FHAD1: variants seen among roughly 807,000 people sequenced by gnomAD.
FHAD1 encodes the protein forkhead associated phosphopeptide binding domain 1.
A neutral mutation model predicts 191.3 loss-of-function variants in FHAD1; 146 were observed. The observed-to-expected ratio is 0.76, with a 90% CI of 0.67 to 0.88. FHAD1 has a LOEUF of 0.88. Among genes scored for constraint, FHAD1 ranks in the 40% least tolerant of loss-of-function variants. The probability of loss-of-function intolerance (pLI) is 0.00; values close to 1 mark genes in which losing one functional copy is unlikely to be tolerated. For synonymous variants in FHAD1, 616 were observed against 672.3 expected (o/e 0.92, Z 1.29); for missense variants, 1,635 against 1,785.8 (o/e 0.92, Z 1.52).
Position 15,365,904 on chromosome 1 carries a change from A to G in FHAD1, c.3125A>G (p.Glu1042Gly). The G allele has an allele frequency of 6.4e-7, 1 of 1,551,558 alleles. No homozygotes were observed. The highest frequency in any genetic ancestry group is 8.7e-7 in the Non-Finnish European group (1 of 1,146,836). The change falls in exon 24 of 34, where the codon GAA (glutamate) becomes GGA (glycine). Residue 1042 changes from glutamate (E) to glycine (G), a missense_variant. Coordinates refer to ENST00000688493, the MANE Select transcript of FHAD1 (RefSeq NM_001391957.1). ...ATGAAGTTAAGGAAAGACCTTACCGAAGCCCACAGCAGAATGTCGGATTTG... is the reference window on the plus strand; with the variant it reads ...ATGAAGTTAAGGAAAGACCTTACCGGAGCCCACAGCAGAATGTCGGATTTG... ...VIMKLRKDLT[E>G]AHSRMSDLRG... is the part of the protein sequence containing the mutation.
rs1574309514 is a variant in FHAD1, at chr1:15,320,539, G to C, written c.1365+2611G>C. On this transcript the variant is annotated intron_variant, in intron 10 of 33. Transcript: ENST00000688493. Reference sequence around the variant, plus strand: ...TATATATTTTGAAGCTGTGTTAGTAGATGCATATGTATTTACCATTTCATT... The same window carrying C: ...TATATATTTTGAAGCTGTGTTAGTACATGCATATGTATTTACCATTTCATT... Among the ~76,000 whole-genome samples, 3 of 152,176 alleles carry C rather than the reference G, an allele frequency of 2.0e-5. No individual in the cohort carries two copies. In the South Asian group the frequency reaches 6.2e-4, roughly 32 times the overall value.
In FHAD1 at chr1:15,286,357, G is replaced by T. The variant is rs116899934; in HGVS notation, c.301-3042G>T. 1.5e-4 allele frequency among the ~76,000 whole-genome samples: 23 copies of T among 152,070 alleles called. 1 individual carries two copies. The East Asian group carries it at 4.4e-3, about 29-fold the overall frequency. ...ATTTCTACAAAAAATACAAAATTTA[G>T]CTGGGCCTTGTGGCCTGCGTCTATA... On this transcript the variant is annotated intron_variant, in intron 3 of 33. Coordinates refer to ENST00000688493, the MANE Select transcript of FHAD1 (RefSeq NM_001391957.1).
intron 3 of FHAD1, among the ~76,000 whole-genome samples, chr1:15,280,573 C>G (rs1006101976): frequency 6.6e-6 from 1 of 152,100 alleles, no homozygotes; most frequent in Non-Finnish European, 1.5e-5. Flanking sequence ...AAACAGAACA[C>G]GGACGACCCG....
At chr1:15,368,463 C>T (rs923214324) in intron 25 of FHAD1, among the ~76,000 whole-genome samples, 144 of 152,290 alleles carry the variant, frequency 9.5e-4, no homozygotes, top group African/African-American at 3.2e-3. Context: ...TAAAAATCCC[C>T]GTGAGTTGCA....
chr1:15,253,326 A>G (rs899684702), intron 2 of FHAD1, among the ~76,000 whole-genome samples: 14 of 152,198 alleles, frequency 9.2e-5, no homozygotes, highest in Non-Finnish European at 7.3e-5. Flanking sequence ...AAATTTTAGA[A>G]TAAGTCTGTC....
At chr1:15,360,837 T>G in intron 22 of FHAD1, 134 bp downstream of exon 22, 1 of 743,276 alleles carries the variant, frequency 1.3e-6, no homozygotes, top group South Asian at 1.9e-5. Flanking sequence ...TGAGGCCCCC[T>G]TTTGTTCTTG....
At chr1:15,284,534 C>T (rs1441212799) in intron 3 of FHAD1, among the ~76,000 whole-genome samples, 4 of 150,548 alleles carry the variant, frequency 2.7e-5, no homozygotes. Context: ...GCTCCAAGGG[C>T]AAGGTCTACT....
At chr1:15,359,418 G>A (rs1480287159) in intron 21 of FHAD1, among the ~76,000 whole-genome samples, 1 of 152,156 alleles carries the variant, frequency 6.6e-6, no homozygotes, top group African/African-American at 2.4e-5. Context: ...AGGACAGGGT[G>A]AGGTGGGAGC....
At chr1:15,280,808 G>A (rs493970) in intron 3 of FHAD1, among the ~76,000 whole-genome samples, 44,354 of 152,046 alleles carry the variant, frequency 0.29, 6,781 homozygotes, top group Non-Finnish European at 0.33. Context: ...TTTATGGACT[G>A]ACCAGGAAAT....
At position 15,360,604 on chromosome 1, in the gene FHAD1, G is replaced by C. The variant is rs775405802; in HGVS notation, c.2863G>C (p.Ala955Pro). 1 of 1,551,906 alleles carries C rather than the reference G, an allele frequency of 6.4e-7. No homozygotes were observed. Among genetic ancestry groups the C allele is most frequent in the African/African-American group, 1.4e-5 (1 of 73,016 alleles). Reference sequence around the variant, plus strand: ...ATATAAGGAGCAAATCAAACAGCACGCCCAGACAATTGTGAGCCTCGAAGA... The same window carrying C: ...ATATAAGGAGCAAATCAAACAGCACCCCCAGACAATTGTGAGCCTCGAAGA... ...MEYKEQIKQHAQTIVSLEEKL... is the reference protein window; with the variant it reads ...MEYKEQIKQHPQTIVSLEEKL... Residue 955 changes from alanine (A) to proline (P), a missense_variant, in exon 22 of 34, where the codon GCC becomes CCC. Ala to Pro is a conservative substitution (Grantham distance 27, BLOSUM62 -1). Transcript: ENST00000688493.
intron 3 of FHAD1, among the ~76,000 whole-genome samples, chr1:15,283,421 C>T (rs529452266): frequency 3.9e-5 from 6 of 152,090 alleles, no homozygotes; most frequent in Non-Finnish European, 7.3e-5. Context: ...ACAGCACTGC[C>T]AACACACAGA....
At position 15,329,298 on chromosome 1, in the gene FHAD1, A is replaced by G. The variant is rs1024335634; in HGVS notation, c.1711-48A>G. The G allele has an allele frequency of 2.7e-6, 4 of 1,467,218 alleles. No individual in the cohort carries two copies. Among genetic ancestry groups the G allele is most frequent in the Middle Eastern group, 2.1e-4 (1 of 4,780 alleles). 90.9% of individuals were successfully genotyped at this position (1,467,218 alleles called of 1,614,324 possible). A position where few individuals can be genotyped will look rare whatever the true frequency, so the allele number is the denominator to read the frequency against. On this transcript the variant is annotated intron_variant, in intron 13 of 33. Coordinates refer to ENST00000688493, the MANE Select transcript of FHAD1 (RefSeq NM_001391957.1). This position sits in a 1 kb window ranked among gnomAD's most constrained non-coding sequence, Gnocchi z 5.0. ...TTCCTCGAAGGTCACGTCAGGGGCT[A>G]TTTCTGGCCACAGGGCCTGGGCTCC...
chr1:15,361,438 T>C (rs1344880880), intron 22 of FHAD1, among the ~76,000 whole-genome samples: 1 of 151,892 alleles, frequency 6.6e-6, no homozygotes, highest in Non-Finnish European at 1.5e-5. Flanking sequence ...AATTCACTCC[T>C]GCTTAAGAAA....
intron 25 of FHAD1, among the ~76,000 whole-genome samples, chr1:15,368,406 G>A (rs567701271): frequency 3.9e-5 from 6 of 152,290 alleles, no homozygotes; most frequent in African/African-American, 1.4e-4. Flanking sequence ...GGAGGTGTCA[G>A]CTTAAAATAC....
chr1:15,317,258 C>T (rs932638961), intron 9 of FHAD1, among the ~76,000 whole-genome samples: 44 of 152,120 alleles, frequency 2.9e-4, no homozygotes, highest in Admixed American at 8.5e-4. Context: ...GAAAATAAGA[C>T]CATTAAAAGT....
chr1:15,340,772 A>G (rs562448663), intron 15 of FHAD1, among the ~76,000 whole-genome samples: 153 of 152,250 alleles, frequency 1.0e-3, no homozygotes, highest in African/African-American at 3.5e-3. Flanking sequence ...CAGATGGTAA[A>G]TATTTTATGC....
chr1:15,361,904 T>A (rs1694928505), intron 22 of FHAD1, among the ~76,000 whole-genome samples: 1 of 151,288 alleles, frequency 6.6e-6, no homozygotes, highest in Non-Finnish European at 1.5e-5. Flanking sequence ...CTCGGGAGGC[T>A]GAGACAGGAG....
At chr1:15,388,370 T>C in intron 32 of FHAD1, 1 of 886,172 alleles carries the variant, frequency 1.1e-6, no homozygotes, top group South Asian at 3.4e-5. Context: ...GCCTGCAGTT[T>C]GAACGGATGA....
chr1:15,366,019 G>A (rs1186578864), intron 24 of FHAD1, 86 bp downstream of exon 24: 2 of 915,084 alleles, frequency 2.2e-6, no homozygotes, highest in Non-Finnish European at 3.4e-6. Flanking sequence ...CGGGCGCAGT[G>A]GCGCACGCCT....
Sources: allele counts gnomAD v4.1 joint callset (sites outside exome capture counted in the v4.1 genomes callset), GRCh38; gene constraint gnomAD v4.1.1; non-coding constraint Gnocchi (gnomAD v3.1); transcripts MANE v1.5; gene names NCBI Gene and HGNC (gene_info 2026-07-23, HGNC 2026-07-21).